Variants in SEMA3C observed in about 807,000 individuals in gnomAD.
The protein encoded by SEMA3C is semaphorin-3C.
A neutral mutation model predicts 89.4 loss-of-function variants in SEMA3C; 47 were observed. That is an observed-to-expected ratio of 0.53 (90% confidence interval 0.42 to 0.67). SEMA3C has a LOEUF of 0.67. Among genes scored for constraint, SEMA3C ranks in the 30% least tolerant of loss-of-function variants. The probability of loss-of-function intolerance (pLI) is 0.00; values close to 1 mark genes in which losing one functional copy is unlikely to be tolerated. For missense variants in SEMA3C, 839 were observed against 929.1 expected (o/e 0.90, Z 1.26); for synonymous variants, 310 against 320.2 (o/e 0.97, Z 0.34).
At chr7:80,875,509 T>C (rs999136079) in intron 2 of SEMA3C, among the ~76,000 whole-genome samples, 17 of 152,170 alleles carry the variant, frequency 1.1e-4, no homozygotes, top group African/African-American at 3.9e-4. Flanking sequence ...CAGTCGCCCT[T>C]AGTCAAGCAC....
Position 80,827,455 on chromosome 7 carries a change from T to C in SEMA3C, c.297A>G (p.Glu99=), listed in dbSNP as rs1789902436. 1 of 1,601,640 alleles carries C rather than the reference T, an allele frequency of 6.2e-7. No individual in the cohort carries two copies. Among genetic ancestry groups the C allele is most frequent in the African/African-American group, 1.4e-5 (1 of 73,796 alleles). Residue 99 remains glutamate (E), a synonymous_variant, in exon 4 of 18, where the codon GAA becomes GAG. Coordinates refer to ENST00000265361, the MANE Select transcript of SEMA3C (RefSeq NM_006379.5). ...GATCTTTGCCAGCCATTTTGCATTC[T>C]TCAACTTTGATTGTAGATGCTGGCC... ...VFWPASTIKV[E]ECKMAGKDPT...
chr7:80,748,462 A>G (rs544414289), intron 17 of SEMA3C, among the ~76,000 whole-genome samples: 1 of 152,344 alleles, frequency 6.6e-6, no homozygotes, highest in Admixed American at 6.5e-5. Flanking sequence ...ATTACCACAC[A>G]GCAGAAAAAC....
At chr7:80,763,092 T>C (rs945718501) in intron 13 of SEMA3C, among the ~76,000 whole-genome samples, 1 of 152,186 alleles carries the variant, frequency 6.6e-6, no homozygotes, top group Non-Finnish European at 1.5e-5. Context: ...CTACTAGTAG[T>C]TATACTTCTA....
intron 11 of SEMA3C, among the ~76,000 whole-genome samples, chr7:80,790,286 T>TA (rs1452571919): frequency 6.9e-6 from 1 of 144,948 alleles, no homozygotes; most frequent in Non-Finnish European, 1.5e-5. Context: ...CCCACCTCTA[T>TA]AAAAAAAGGA....
chr7:80,859,284 T>C lies in SEMA3C; in HGVS notation c.104-30539A>G, dbSNP rs17154561. Among the ~76,000 whole-genome samples the C allele has an allele frequency of 9.1e-3, 1,391 of 152,298 alleles. 56 individuals carry two copies. In the East Asian group the frequency reaches 0.13, roughly 14 times the overall value. The stretch of plus-strand genomic sequence containing the variant: ...ATACATATTTATATAACTTTTTGTT[T>C]TCCTTAATGCCTTTAGATGTAGAAA... On this transcript the variant is annotated intron_variant, in intron 2 of 17. Transcript: ENST00000265361.
At chr7:80,913,973 C>CGA (rs1792212860) in intron 2 of SEMA3C, among the ~76,000 whole-genome samples, 1 of 152,014 alleles carries the variant, frequency 6.6e-6, no homozygotes, top group Non-Finnish European at 1.5e-5. Flanking sequence ...CAAGTTCCAC[C>CGA]CAGAGAGAGA....
Position 80,751,274 on chromosome 7 carries a change from A to T in SEMA3C, c.1706T>A (p.Leu569Gln). Reference protein sequence around the residue: ...NPLTQCRGFNLKAYRNAAEIV... With the variant: ...NPLTQCRGFNQKAYRNAAEIV... ...CCATTGCTCACTTTTAATACCTTTT[A>T]GATTAAATCCTCTGCATTGAGTCAG... Residue 569 changes from leucine (L) to glutamine (Q), a missense_variant, in exon 16 of 18, where the codon CTA (leucine) becomes CAA (glutamine). Leu to Gln is a moderately radical substitution (Grantham distance 113). Coordinates refer to ENST00000265361, the MANE Select transcript of SEMA3C (RefSeq NM_006379.5). 1 of 1,613,694 alleles carries T rather than the reference A, an allele frequency of 6.2e-7. No homozygotes were observed. The highest frequency in any genetic ancestry group is 8.5e-7 in the Non-Finnish European group (1 of 1,179,648).
At chr7:80,860,984 G>C (rs547217398) in intron 2 of SEMA3C, among the ~76,000 whole-genome samples, 11 of 152,028 alleles carry the variant, frequency 7.2e-5, no homozygotes, top group Non-Finnish European at 1.5e-4. Flanking sequence ...TTAAATCAAA[G>C]GCATATTGAA....
chr7:80,844,400 A>G (rs1338419837), intron 2 of SEMA3C, among the ~76,000 whole-genome samples: 1 of 152,174 alleles, frequency 6.6e-6, no homozygotes, highest in Non-Finnish European at 1.5e-5. Flanking sequence ...TCCTCATTAC[A>G]GTCCTACCTG....
intron 2 of SEMA3C, among the ~76,000 whole-genome samples, chr7:80,907,051 T>C (rs969143566): frequency 2.4e-4 from 37 of 152,184 alleles, no homozygotes; most frequent in African/African-American, 8.7e-4. Context: ...TTCATATTCA[T>C]TATCAGTTTC....
intron 12 of SEMA3C, among the ~76,000 whole-genome samples, chr7:80,781,608 G>A (rs1355784125): frequency 6.6e-6 from 1 of 152,152 alleles, no homozygotes; most frequent in Non-Finnish European, 1.5e-5. Flanking sequence ...GCCTGGCCTG[G>A]CTCAGCAGCA....
intron 4 of SEMA3C, among the ~76,000 whole-genome samples, chr7:80,819,122 C>T (rs570729604): frequency 6.6e-6 from 1 of 151,644 alleles, no homozygotes; most frequent in East Asian, 1.9e-4. Flanking sequence ...AAAATGCTCT[C>T]AAATTTATAC....
chr7:80,761,334 C>T (rs1275681280), intron 14 of SEMA3C, among the ~76,000 whole-genome samples: 2 of 152,258 alleles, frequency 1.3e-5, no homozygotes, highest in Non-Finnish European at 2.9e-5. Flanking sequence ...TGGCTTCACA[C>T]ACCGTAATAT....
chr7:80,915,740 C>CA (rs56666739), intron 2 of SEMA3C: 3,921 of 68,272 alleles, frequency 0.057, 168 homozygotes, highest in African/African-American at 0.1. Context: ...GACACTGTCT[C>CA]AAAAAAAAAA....
chr7:80,824,680 T>A (rs998497372), intron 4 of SEMA3C, among the ~76,000 whole-genome samples: 17 of 152,194 alleles, frequency 1.1e-4, no homozygotes, highest in Admixed American at 1.1e-3. Flanking sequence ...CATGTTTTAG[T>A]GGCTAAGGGT....
intron 2 of SEMA3C, among the ~76,000 whole-genome samples, chr7:80,915,049 G>A (rs1204532956): frequency 1.7e-4 from 26 of 152,128 alleles, no homozygotes; most frequent in Admixed American, 1.6e-3. Flanking sequence ...AAAGAAAGCA[G>A]GTAGAGACAT....
At position 80,761,654 on chromosome 7, in the gene SEMA3C, G is replaced by A; in HGVS notation, c.1447C>T (p.His483Tyr). ...ILEELEVFKNHAPITTMKISS... is the reference protein window; with the variant it reads ...ILEELEVFKNYAPITTMKISS... ...ATTTTCATTGTTGTTATAGGAGCAT[G>A]ATTCTAAAATATTAGAAAACAACAT... Residue 483 changes from histidine (H) to tyrosine (Y), a missense_variant, in exon 14 of 18, where the codon CAT becomes TAT. Transcript: ENST00000265361. The A allele has an allele frequency of 7.5e-7, 1 of 1,332,156 alleles. No homozygotes were observed. The highest frequency in any genetic ancestry group is 1.0e-6 in the Non-Finnish European group (1 of 968,948). 82.5% of individuals were successfully genotyped at this position (1,332,156 alleles called of 1,614,324 possible).
chr7:80,876,664 CTCA>C (rs1176217930), intron 2 of SEMA3C, among the ~76,000 whole-genome samples: 17 of 152,316 alleles, frequency 1.1e-4, no homozygotes, highest in African/African-American at 4.1e-4. Flanking sequence ...ATACTGCTTT[CTCA>C]TCATTAAAAT....
intron 2 of SEMA3C, among the ~76,000 whole-genome samples, chr7:80,854,016 G>T (rs912652569): frequency 6.6e-6 from 1 of 151,706 alleles, no homozygotes; most frequent in African/African-American, 2.4e-5. Flanking sequence ...AAGAAACAAA[G>T]TTATTGTTAT....
Sources: allele counts gnomAD v4.1 joint callset (sites outside exome capture counted in the v4.1 genomes callset), GRCh38; gene constraint gnomAD v4.1.1; transcripts MANE v1.5; gene names NCBI Gene and HGNC (gene_info 2026-07-23, HGNC 2026-07-21).